The following ATP7A variants were observed in gnomAD, a reference collection of about 807,000 sequenced individuals.
ATP7A encodes copper-transporting ATPase 1.
A neutral mutation model predicts 83.5 loss-of-function variants in ATP7A; 7 were observed. The observed-to-expected ratio is 0.08, with a 90% CI of 0.05 to 0.16. The LOEUF is 0.16. Ranked by LOEUF, ATP7A falls within the 10% of genes least tolerant of loss-of-function variation. The pLI, the probability that ATP7A is intolerant of heterozygous loss-of-function variation, is 1.00. For missense variants in ATP7A, 940 were observed against 1,120.8 expected, an observed-to-expected ratio of 0.84 and a Z score of 2.30; for synonymous variants, 354 against 395.2, an observed-to-expected ratio of 0.90 and a Z score of 1.24.
At position 78,049,595 on chromosome X, in the gene ATP7A, A is replaced by G. The variant is rs1479190007; in HGVS notation, c.*3025A>G. 8.9e-6 allele frequency: 1 copy of G among 112,640 alleles called. No homozygotes were observed. The highest frequency in any genetic ancestry group is 2.8e-4 in the East Asian group (1 of 3,619). 9.3% of individuals were successfully genotyped at this position (112,640 alleles called of 1,213,427 possible). A position where few individuals can be genotyped will look rare whatever the true frequency, so the allele number is the denominator to read the frequency against. On this transcript the variant is annotated 3_prime_UTR_variant, in exon 23 of 23. Transcript: ENST00000341514. ...TGGTGTGTCATTTGTGAAAATAGAA[A>G]CGTTATTTTTCCTAGTTTAGTATCA...
intron 1 of ATP7A, among the ~76,000 whole-genome samples, chrX:77,949,133 T>C (rs1364769600): frequency 9.0e-6 from 1 of 111,420 alleles, no homozygotes. Context: ...TCAGGCAGTC[T>C]GCCACCTTGG....
intron 11 of ATP7A, 61 bp from the exon 12 acceptor site, chrX:78,015,693 A>G (rs2077857430): frequency 1.7e-6 from 2 of 1,194,449 alleles, no homozygotes; most frequent in South Asian, 1.8e-5. Context: ...AAGAGCTTAC[A>G]TGGAGAGGTC....
intron 1 of ATP7A, among the ~76,000 whole-genome samples, chrX:77,957,543 T>G (rs782082832): frequency 1.2e-4 from 13 of 109,863 alleles, no homozygotes; most frequent in Admixed American, 1.2e-3. Flanking sequence ...AACCCCTTGA[T>G]AAATGTATAG....
At chrX:77,997,752 A>G (rs1557232693) in intron 4 of ATP7A, among the ~76,000 whole-genome samples, 2 of 110,850 alleles carry the variant, frequency 1.8e-5, no homozygotes, top group African/African-American at 3.3e-5. Context: ...ATGAGCTTCC[A>G]CAGTCCATAA....
intron 1 of ATP7A, among the ~76,000 whole-genome samples, chrX:77,940,588 G>C (rs1472322229): frequency 3.6e-5 from 4 of 111,129 alleles, no homozygotes; most frequent in Non-Finnish European, 5.7e-5. Flanking sequence ...GACACCAAAG[G>C]CATGGTACTT....
intron 15 of ATP7A, among the ~76,000 whole-genome samples, chrX:78,031,088 C>T (rs1370125960): frequency 1.8e-5 from 2 of 111,593 alleles, no homozygotes; most frequent in African/African-American, 3.3e-5. Flanking sequence ...TACCTTGAGG[C>T]ACTAGAGGCG....
rs782351352 is a variant in ATP7A at position 77,989,544 on chromosome X, A to G, written c.922A>G (p.Ile308Val). Residue 308 changes from isoleucine to valine, a missense_variant, in exon 4 of 23, where the codon ATA becomes GTA. Ile to Val is a conservative substitution (Grantham distance 29). Around this residue, in one of 3 missense-constraint regions of ATP7A, gnomAD observed 350 missense variants for 432.8 expected, o/e 0.81. Coordinates refer to ENST00000341514, the MANE Select transcript of ATP7A (RefSeq NM_000052.7). Reference sequence around the variant, plus strand: ...ATCTGCACTCCAATATGTAAGCAGCATAGTAGTTTCTTTAGAGAATAGGTC... The same window carrying G: ...ATCTGCACTCCAATATGTAAGCAGCGTAGTAGTTTCTTTAGAGAATAGGTC... ...TLSALQYVSS[I>V]VVSLENRSAI... 182 of 1,210,244 alleles carry G rather than the reference A, an allele frequency of 1.5e-4. No individual in the cohort carries two copies. The highest frequency in any genetic ancestry group is 1.9e-4 in the Non-Finnish European group (171 of 895,131).
intron 1 of ATP7A, among the ~76,000 whole-genome samples, chrX:77,959,197 T>C (rs2077462411): frequency 9.0e-6 from 1 of 111,209 alleles, no homozygotes; most frequent in Admixed American, 9.6e-5. Context: ...TTTCAGGTGG[T>C]TTGCTATTAG....
intron 14 of ATP7A, 48 bp from the exon 15 acceptor site, chrX:78,029,202 T>C (rs1012756757): frequency 8.7e-7 from 1 of 1,150,614 alleles, no homozygotes; most frequent in Non-Finnish European, 1.2e-6. Context: ...GTCTTTTGTT[T>C]TGTACAGCTC....
chrX:77,961,315 T>C (rs2077473262), intron 1 of ATP7A, among the ~76,000 whole-genome samples: 1 of 111,950 alleles, frequency 8.9e-6, no homozygotes, highest in Non-Finnish European at 1.9e-5. Context: ...TGAGAGTTAG[T>C]CCAGTGCTTT....
chrX:77,959,022 G>A (rs986646900), intron 1 of ATP7A, among the ~76,000 whole-genome samples: 9 of 110,077 alleles, frequency 8.2e-5, no homozygotes, highest in African/African-American at 2.3e-4. Flanking sequence ...TCCTGACCTC[G>A]GGTGATCTGC....
intron 1 of ATP7A, among the ~76,000 whole-genome samples, chrX:77,917,939 A>T: frequency 8.9e-6 from 1 of 112,298 alleles, no homozygotes; most frequent in Non-Finnish European, 1.9e-5. Flanking sequence ...TACTCTCTTA[A>T]CATGGCTTAA....
At chrX:78,027,100 A>C (rs1158648105) in intron 14 of ATP7A, among the ~76,000 whole-genome samples, 1 of 108,551 alleles carries the variant, frequency 9.2e-6, no homozygotes, top group African/African-American at 3.4e-5. Context: ...CACTGAGCCT[A>C]GATCACGCCA....
intron 21 of ATP7A, 134 bp downstream of exon 21, chrX:78,043,568 G>T: frequency 2.1e-6 from 1 of 474,488 alleles, no homozygotes; most frequent in Non-Finnish European, 3.7e-6. Context: ...GAGAGGTAAT[G>T]TTAAAATCAA....
chrX:78,042,920 A>G, intron 20 of ATP7A, 132 bp downstream of exon 20: 1 of 781,855 alleles, frequency 1.3e-6, no homozygotes, highest in Non-Finnish European at 1.9e-6. Context: ...GTTTAAGAAT[A>G]TGGAGTGGGA....
intron 4 of ATP7A, among the ~76,000 whole-genome samples, chrX:77,993,316 T>C (rs782258773): frequency 1.8e-5 from 2 of 112,009 alleles, no homozygotes; most frequent in Non-Finnish European, 3.8e-5. Context: ...ACTCACATTT[T>C]TGCAAGTGTG....
chrX:77,929,597 T>C (rs1557223952), intron 1 of ATP7A, among the ~76,000 whole-genome samples: 1 of 110,643 alleles, frequency 9.0e-6, no homozygotes, highest in African/African-American at 3.3e-5. Context: ...TGGAGTATGA[T>C]AGGAACGAAA....
Position 77,989,963 on chromosome X carries a change from T to G in ATP7A, c.1336+5T>G. ...GATTTGATGCTACCTTGTCAGGTAATTATCATTTTTTCTTTGATTACCCTA... is the reference window on the plus strand; with the variant it reads ...GATTTGATGCTACCTTGTCAGGTAAGTATCATTTTTTCTTTGATTACCCTA... On this transcript the variant is annotated splice_donor_5th_base_variant and intron_variant, in intron 4 of 22. Coordinates refer to ENST00000341514, the MANE Select transcript of ATP7A (RefSeq NM_000052.7). 4.1e-6 allele frequency: 5 copies of G among 1,210,672 alleles called. No homozygotes were observed. Among genetic ancestry groups the G allele is most frequent in the Non-Finnish European group, 5.6e-6 (5 of 895,026 alleles).
At chrX:77,948,997 T>C (rs2077399090) in intron 1 of ATP7A, among the ~76,000 whole-genome samples, 1 of 111,015 alleles carries the variant, frequency 9.0e-6, no homozygotes, top group Admixed American at 9.6e-5. Context: ...GTTCAAGCAA[T>C]TCTTCTGCCT....
Sources: gnomAD v4.1 joint callset for allele counts (sites outside exome capture counted in the v4.1 genomes callset) on GRCh38, gnomAD v4.1.1 for gene constraint, gnomAD v4.1.1 regional missense constraint, MANE v1.5 for transcripts, NCBI Gene and HGNC (gene_info 2026-07-23, HGNC 2026-07-21) for gene names.